The following SLCO1B3 variants were observed in gnomAD, a reference collection of about 807,000 sequenced individuals.
SLCO1B3 encodes the protein solute carrier organic anion transporter family member 1B3.
A neutral mutation model predicts 71.8 loss-of-function variants in SLCO1B3; 72 were observed. The observed-to-expected ratio is 1.00, with a 90% CI of 0.83 to 1.22. The LOEUF is 1.22. Ranked by LOEUF, SLCO1B3 falls within the 50% of genes most tolerant of loss-of-function variation. SLCO1B3 has a pLI of 0.00. For synonymous variants in SLCO1B3, 298 were observed against 278.4 expected (o/e 1.07, Z -0.70); for missense variants, 911 against 819.7 (o/e 1.11, Z -1.36).
rs147079657 is a variant in SLCO1B3, at chr12:20,904,583, C to G, written c.1865+3116C>G. On this transcript the variant is annotated intron_variant, in intron 15 of 15. Coordinates refer to ENST00000381545, the MANE Select transcript of SLCO1B3 (RefSeq NM_019844.4). ...ACAGTGCAAGCTGTTGGTAGATCTA[C>G]CATTCTGGAGTCTGGAGGACAGTGG... 6.3e-3 allele frequency among the ~76,000 whole-genome samples: 958 copies of G among 151,924 alleles called. 13 individuals are homozygous for G. Among genetic ancestry groups the G allele is most frequent in the African/African-American group, 0.022 (913 of 41,414 alleles).
At chr12:20,845,696 A>C (rs1354440819) in intron 3 of SLCO1B3, among the ~76,000 whole-genome samples, 2 of 152,180 alleles carry the variant, frequency 1.3e-5, no homozygotes, top group African/African-American at 4.8e-5. Context: ...TATATTCTGC[A>C]GTTCTTGGGT....
chr12:20,828,813 A>G (rs1864482473), intron 3 of SLCO1B3, among the ~76,000 whole-genome samples: 3 of 152,160 alleles, frequency 2.0e-5, no homozygotes, highest in Non-Finnish European at 2.9e-5. Context: ...CCCAGAAAAG[A>G]TTGGATTTAG....
chr12:20,840,437 G>T, intron 3 of SLCO1B3, among the ~76,000 whole-genome samples: 1 of 149,762 alleles, frequency 6.7e-6, no homozygotes, highest in African/African-American at 2.5e-5. Flanking sequence ...TGTTGCCCAG[G>T]CTGGAATGCA....
chr12:20,812,043 G>T (rs1864118894), intron 1 of SLCO1B3, among the ~76,000 whole-genome samples: 1 of 151,632 alleles, frequency 6.6e-6, no homozygotes, highest in Non-Finnish European at 1.5e-5. Flanking sequence ...GAGTAGCTGA[G>T]ATTACAGGCA....
chr12:20,898,103 T>G (rs2120364885), intron 13 of SLCO1B3, among the ~76,000 whole-genome samples: 1 of 152,332 alleles, frequency 6.6e-6, no homozygotes, highest in Middle Eastern at 3.4e-3. Flanking sequence ...GTACCTTGAC[T>G]AAATAGTCCA....
chr12:20,864,937 A>T (rs1865342344), intron 8 of SLCO1B3, among the ~76,000 whole-genome samples: 1 of 152,116 alleles, frequency 6.6e-6, no homozygotes. Context: ...CTCCCCATAC[A>T]CACTAAAACT....
chr12:20,894,510 C>A (rs1041361742), intron 13 of SLCO1B3, among the ~76,000 whole-genome samples: 1 of 152,126 alleles, frequency 6.6e-6, no homozygotes, highest in Non-Finnish European at 1.5e-5. Flanking sequence ...CCCCCCAAGT[C>A]TCCTGCATGC....
At chr12:20,849,200 A>C (rs1591759771) in intron 3 of SLCO1B3, among the ~76,000 whole-genome samples, 1 of 152,066 alleles carries the variant, frequency 6.6e-6, no homozygotes, top group East Asian at 1.9e-4. Flanking sequence ...TTCCAACAGC[A>C]CATTTAAAAG....
chr12:20,863,789 C>G (rs1233144821), intron 8 of SLCO1B3, among the ~76,000 whole-genome samples: 1 of 152,094 alleles, frequency 6.6e-6, no homozygotes, highest in Non-Finnish European at 1.5e-5. Context: ...AAGTATCTCA[C>G]CTTCTCATCT....
intron 5 of SLCO1B3, among the ~76,000 whole-genome samples, chr12:20,859,221 C>T (rs1194147563): frequency 1.3e-5 from 2 of 152,162 alleles, no homozygotes; most frequent in African/African-American, 4.8e-5. Context: ...ACAGGCTGAG[C>T]TCCAGGAGCA....
intron 3 of SLCO1B3, chr12:20,845,258 A>C: frequency 2.4e-6 from 1 of 413,286 alleles, no homozygotes. Context: ...CTGACCTCTG[A>C]CCTCTTGGAA....
intron 3 of SLCO1B3, among the ~76,000 whole-genome samples, chr12:20,822,667 C>T (rs1245632285): frequency 6.6e-6 from 1 of 152,154 alleles, no homozygotes; most frequent in African/African-American, 2.4e-5. Flanking sequence ...AAGAGAAAAA[C>T]TAGCAGGTAA....
chr12:20,876,626 G>A (rs1028879945), intron 9 of SLCO1B3, among the ~76,000 whole-genome samples: 1 of 151,988 alleles, frequency 6.6e-6, no homozygotes, highest in Non-Finnish European at 1.5e-5. Context: ...AATTGTCCAT[G>A]GTAGGAGAAT....
intron 8 of SLCO1B3, among the ~76,000 whole-genome samples, chr12:20,873,091 G>A (rs973324276): frequency 6.6e-6 from 1 of 152,148 alleles, no homozygotes; most frequent in African/African-American, 2.4e-5. Flanking sequence ...TTCCCATGGA[G>A]AATTTGGAAG....
At chr12:20,816,668 A>T (rs896481563) in intron 3 of SLCO1B3, among the ~76,000 whole-genome samples, 1 of 152,238 alleles carries the variant, frequency 6.6e-6, no homozygotes, top group African/African-American at 2.4e-5. Context: ...ATGGAAGTAC[A>T]GATAATCTTA....
intron 3 of SLCO1B3, among the ~76,000 whole-genome samples, chr12:20,851,668 G>A (rs912341797): frequency 1.3e-5 from 2 of 152,132 alleles, no homozygotes; most frequent in Non-Finnish European, 2.9e-5. Flanking sequence ...TAAGTTTGAT[G>A]TAGTCACATT....
chr12:20,836,204 A>G (rs980972378), intron 3 of SLCO1B3, among the ~76,000 whole-genome samples: 3 of 152,178 alleles, frequency 2.0e-5, no homozygotes, highest in African/African-American at 7.2e-5. Flanking sequence ...GGGAGCTACA[A>G]TTTAAGATGA....
chr12:20,869,129 C>T (rs1417496370), intron 8 of SLCO1B3, among the ~76,000 whole-genome samples: 1 of 152,080 alleles, frequency 6.6e-6, no homozygotes, highest in East Asian at 1.9e-4. Flanking sequence ...CTTTTCTAAA[C>T]TCCCCCGGGG....
Position 20,877,249 on chromosome 12 carries a change from G to GTT in SLCO1B3, c.971-517_971-516dup, listed in dbSNP as rs4149165. On this transcript the variant is annotated intron_variant, in intron 9 of 15. Coordinates refer to ENST00000381545, the MANE Select transcript of SLCO1B3 (RefSeq NM_019844.4). The stretch of plus-strand genomic sequence containing the variant: ...GTAAACATTTTCTATATTATGAACT[G>GTT]TTTTTTTAAGGGTAGTGATGTGAAT... 1.1e-3 allele frequency among the ~76,000 whole-genome samples: 160 copies of GTT among 151,878 alleles called. 1 individual carries two copies. The highest frequency in any genetic ancestry group is 1.3e-3 in the Non-Finnish European group (89 of 67,930).
Sources: gnomAD v4.1 joint callset for allele counts (sites outside exome capture counted in the v4.1 genomes callset) on GRCh38, gnomAD v4.1.1 for gene constraint, MANE v1.5 for transcripts, NCBI Gene and HGNC (gene_info 2026-07-23, HGNC 2026-07-21) for gene names.